The following ADAMDEC1 variants were observed in gnomAD, a reference collection of about 807,000 sequenced individuals.
ADAMDEC1 encodes ADAM like decysin 1, also known as ADAM DEC1.
Under a neutral mutation model 60.4 loss-of-function variants are expected in ADAMDEC1, and 62 were observed. The observed-to-expected ratio is 1.03, with a 90% confidence interval of 0.84 to 1.27. The LOEUF is 1.27. Among genes scored for constraint, ADAMDEC1 ranks in the 50% most tolerant of loss-of-function variants. The pLI, the probability that ADAMDEC1 is intolerant of heterozygous loss-of-function variation, is 0.00. For synonymous variants in ADAMDEC1, 210 were observed against 195.1 expected (o/e 1.08, Z -0.64); for missense variants, 595 against 565.0 (o/e 1.05, Z -0.54).
chr8:24,395,057 G>C (rs1817571835), intron 4 of ADAMDEC1, among the ~76,000 whole-genome samples: 1 of 152,220 alleles, frequency 6.6e-6, no homozygotes, highest in Non-Finnish European at 1.5e-5. Context: ...CTCCACGTAA[G>C]TGGCCCCTTA....
intron 10 of ADAMDEC1, 61 bp downstream of exon 10, chr8:24,399,535 C>A (rs1311613456): frequency 1.6e-5 from 21 of 1,305,484 alleles, no homozygotes; most frequent in Non-Finnish European, 2.3e-5. Flanking sequence ...GCCAGCATAA[C>A]ACCTTATATA....
intron 2 of ADAMDEC1, 49 bp from the exon 3 acceptor site, chr8:24,393,213 T>C (rs1817495129): frequency 3.4e-6 from 4 of 1,168,342 alleles, no homozygotes; most frequent in Non-Finnish European, 5.0e-6. Flanking sequence ...ATAATTATTT[T>C]AGTTATGCTC....
chr8:24,399,344 GT>G, intron 9 of ADAMDEC1, 48 bp from the exon 10 acceptor site: 1 of 1,556,256 alleles, frequency 6.4e-7, no homozygotes, highest in Non-Finnish European at 8.9e-7. Context: ...AAAGCTAATG[GT>G]TACAAAGACT....
At chr8:24,392,805 A>T (rs1817479229) in intron 2 of ADAMDEC1, among the ~76,000 whole-genome samples, 1 of 151,454 alleles carries the variant, frequency 6.6e-6, no homozygotes, top group Admixed American at 6.6e-5. Context: ...CTGATTAAAG[A>T]TACCAATTCT....
chr8:24,386,104 C>T (rs1416753529), intron 1 of ADAMDEC1, among the ~76,000 whole-genome samples: 1 of 152,104 alleles, frequency 6.6e-6, no homozygotes, highest in Non-Finnish European at 1.5e-5. Flanking sequence ...TGATGATAGT[C>T]TATGATGCCC....
intron 4 of ADAMDEC1, 35 bp from the exon 5 acceptor site, chr8:24,395,685 C>T (rs1368814918): frequency 7.0e-7 from 1 of 1,432,214 alleles, no homozygotes; most frequent in Non-Finnish European, 9.8e-7. Context: ...CACACACACA[C>T]ATTTCTGAAG....
At chr8:24,404,930 C>T (rs552045540) in intron 13 of ADAMDEC1, among the ~76,000 whole-genome samples, 1 of 152,132 alleles carries the variant, frequency 6.6e-6, no homozygotes, top group African/African-American at 2.4e-5. Context: ...GAAACTGTGC[C>T]CAGGCCAGAA....
intron 12 of ADAMDEC1, 65 bp downstream of exon 12, chr8:24,402,157 C>A (rs895947220): frequency 7.2e-7 from 1 of 1,396,208 alleles, no homozygotes; most frequent in Non-Finnish European, 9.7e-7. Flanking sequence ...TTCCAATATT[C>A]TTTTGGAAAT....
chr8:24,398,470 T>C lies in ADAMDEC1; in HGVS notation c.691-10T>C. ...CTATTTCACTATACTTTGTGTTTTG[T>C]ATTTTACAGTATAAGAACTATAATG... On this transcript the variant is annotated splice_polypyrimidine_tract_variant and intron_variant, in intron 7 of 13. Coordinates refer to ENST00000256412, the MANE Select transcript of ADAMDEC1 (RefSeq NM_014479.3). 1 of 1,516,534 alleles carries C rather than the reference T, an allele frequency of 6.6e-7. No homozygotes were observed. Among genetic ancestry groups the C allele is most frequent in the Non-Finnish European group, 9.1e-7 (1 of 1,100,886 alleles). 93.9% of individuals were successfully genotyped at this position (1,516,534 alleles called of 1,614,324 possible).
chr8:24,384,385 C>A lies in ADAMDEC1; in HGVS notation c.-120C>A. 1 of 773,984 alleles carries A rather than the reference C, an allele frequency of 1.3e-6. No homozygotes were observed. Among genetic ancestry groups the A allele is most frequent in the Non-Finnish European group, 2.0e-6 (1 of 502,550 alleles). The allele number at this position is 773,984 out of a possible 1,614,324, so 47.9% of individuals were successfully genotyped here. A position where few individuals can be genotyped will look rare whatever the true frequency, so the allele number is the denominator to read the frequency against. Reference sequence around the variant, plus strand: ...ACACTGCAATTTTTTGACAATTTCCCAACACTCTTAAGAAACATTCCCCAA... The same window carrying A: ...ACACTGCAATTTTTTGACAATTTCCAAACACTCTTAAGAAACATTCCCCAA... On this transcript the variant is annotated 5_prime_UTR_variant, in exon 1 of 14. Coordinates refer to ENST00000256412, the MANE Select transcript of ADAMDEC1 (RefSeq NM_014479.3).
In ADAMDEC1 at chr8:24,392,229, T is replaced by C. The variant is rs756415844; in HGVS notation, c.89-33T>C. 4 of 1,519,964 alleles carry C rather than the reference T, an allele frequency of 2.6e-6. No individual in the cohort carries two copies. In the South Asian group the frequency reaches 4.9e-5, roughly 18 times the overall value. The allele number at this position is 1,519,964 out of a possible 1,614,324, so 94.2% of individuals were successfully genotyped here. On this transcript the variant is annotated intron_variant, in intron 1 of 13. Coordinates refer to ENST00000256412, the MANE Select transcript of ADAMDEC1 (RefSeq NM_014479.3). Reference sequence around the variant, plus strand: ...CACGACTAAAACCAAAACCTTTAAATCTTTTATGTGAATATTATTTCTCTT... The same window carrying C: ...CACGACTAAAACCAAAACCTTTAAACCTTTTATGTGAATATTATTTCTCTT...
intron 13 of ADAMDEC1, among the ~76,000 whole-genome samples, 173 bp from the exon 14 acceptor site, chr8:24,405,119 C>T (rs1817857176): frequency 6.6e-6 from 1 of 152,056 alleles, no homozygotes; most frequent in Non-Finnish European, 1.5e-5. Context: ...ACTTTAAGTC[C>T]AGATAAATTA....
chr8:24,389,466 T>C (rs1817381873), intron 1 of ADAMDEC1, among the ~76,000 whole-genome samples: 1 of 152,162 alleles, frequency 6.6e-6, no homozygotes, highest in Non-Finnish European at 1.5e-5. Context: ...ACCTCTGTCT[T>C]ACATTACTGC....
chr8:24,394,375 G>T lies in ADAMDEC1; in HGVS notation c.363+228G>T, dbSNP rs1817551852. On this transcript the variant is annotated intron_variant, in intron 4 of 13. Transcript: ENST00000256412. ...TTTTAAAACATAGGAGCAGCAGAAA[G>T]CTTCCAAGTGTCACATTTTTGGAAG... Among the ~76,000 whole-genome samples, 3 of 152,140 alleles carry T rather than the reference G, an allele frequency of 2.0e-5. No individual in the cohort carries two copies. In the South Asian group the frequency reaches 6.2e-4, roughly 31 times the overall value.
chr8:24,387,508 A>G (rs1211147245), intron 1 of ADAMDEC1: 1 of 152,052 alleles, frequency 6.6e-6, no homozygotes, highest in African/African-American at 2.4e-5. Context: ...ATTTCTCCCC[A>G]CTTGTTCCCA....
chr8:24,405,169 C>T, intron 13 of ADAMDEC1, 123 bp from the exon 14 acceptor site: 2 of 1,047,750 alleles, frequency 1.9e-6, no homozygotes, highest in Admixed American at 4.8e-5. Context: ...GGTATAGTCT[C>T]TTAAATAATA....
At chr8:24,384,728 C>T (rs979533235) in intron 1 of ADAMDEC1, 136 bp downstream of exon 1, 5 of 754,896 alleles carry the variant, frequency 6.6e-6, no homozygotes, top group South Asian at 6.1e-5. Flanking sequence ...AGATTTTCTA[C>T]CTCTCTGCAA....
In ADAMDEC1 at chr8:24,392,125, T is replaced by G. The variant is rs1322203327; in HGVS notation, c.89-137T>G. 60 of 515,154 alleles carry G rather than the reference T, an allele frequency of 1.2e-4. 1 individual carries two copies. In the South Asian group the frequency reaches 2.4e-3, roughly 21 times the overall value. The allele number at this position is 515,154 out of a possible 1,614,324, so 31.9% of individuals were successfully genotyped here. A position where few individuals can be genotyped will look rare whatever the true frequency, so the allele number is the denominator to read the frequency against. ...CTGAAGAACGACAATTAACTTGTTA[T>G]TCATAATGTTTGCTCTCTACATAGG... is the stretch of plus-strand genomic sequence containing the variant. On this transcript the variant is annotated intron_variant, in intron 1 of 13. Coordinates refer to ENST00000256412, the MANE Select transcript of ADAMDEC1 (RefSeq NM_014479.3).
intron 1 of ADAMDEC1, among the ~76,000 whole-genome samples, chr8:24,386,225 T>C (rs1162627205): frequency 6.6e-6 from 1 of 152,190 alleles, no homozygotes; most frequent in Non-Finnish European, 1.5e-5. Context: ...AGGTTGCAGT[T>C]AACTATATAA....
Sources: gnomAD v4.1 joint callset for allele counts (sites outside exome capture counted in the v4.1 genomes callset) on GRCh38, gnomAD v4.1.1 for gene constraint, MANE v1.5 for transcripts, NCBI Gene and HGNC (gene_info 2026-07-23, HGNC 2026-07-21) for gene names.